PRDM16: variants seen among roughly 807,000 people sequenced by gnomAD.
The protein encoded by PRDM16 is histone-lysine N-methyltransferase PRDM16.
A neutral mutation model predicts 110.6 loss-of-function variants in PRDM16; 23 were observed. The observed-to-expected ratio is 0.21, with a 90% CI of 0.15 to 0.29. The LOEUF (loss-of-function observed/expected upper bound fraction) is 0.29, where lower values mean the gene tolerates loss of function less well. Among genes scored for constraint, PRDM16 ranks in the 10% least tolerant of loss-of-function variants. The pLI is 1.00. For missense variants in PRDM16, 1,615 were observed against 1,794.3 expected, an observed-to-expected ratio of 0.90 and a Z score of 1.81; for synonymous variants, 799 against 781.8, an observed-to-expected ratio of 1.02 and a Z score of -0.37.
chr1:3,153,370 G>A (rs1643809916), intron 1 of PRDM16, among the ~76,000 whole-genome samples: 1 of 152,240 alleles, frequency 6.6e-6, no homozygotes, highest in Non-Finnish European at 1.5e-5. Context: ...ACATGTGTCT[G>A]AACCAGTGTT....
intron 3 of PRDM16, among the ~76,000 whole-genome samples, chr1:3,266,533 C>T (rs1640297400): frequency 6.6e-6 from 1 of 152,214 alleles, no homozygotes; most frequent in African/African-American, 2.4e-5. Flanking sequence ...TGCTCCGCTC[C>T]TCCGACGAGG....
intron 1 of PRDM16, among the ~76,000 whole-genome samples, chr1:3,160,531 G>A (rs1278667452): frequency 6.6e-6 from 1 of 152,196 alleles, no homozygotes. Flanking sequence ...GCGACACAAG[G>A]GGATGGGACA....
At chr1:3,090,581 A>G (rs1374128919) in intron 1 of PRDM16, among the ~76,000 whole-genome samples, 5 of 152,200 alleles carry the variant, frequency 3.3e-5, no homozygotes, top group African/African-American at 1.2e-4. Flanking sequence ...GGTCCCTGCT[A>G]AGAGGCAGAT....
At chr1:3,392,451 A>G (rs1643314643) in intron 4 of PRDM16, among the ~76,000 whole-genome samples, 1 of 152,244 alleles carries the variant, frequency 6.6e-6, no homozygotes, top group Non-Finnish European at 1.5e-5. Flanking sequence ...GCCGCTGCTC[A>G]GATTCAACCC....
At chr1:3,131,208 T>C (rs914232861) in intron 1 of PRDM16, among the ~76,000 whole-genome samples, 1 of 152,188 alleles carries the variant, frequency 6.6e-6, no homozygotes, top group South Asian at 2.1e-4. Context: ...AAAGCAAGAC[T>C]CCCTCTCTCT....
intron 1 of PRDM16, among the ~76,000 whole-genome samples, chr1:3,138,066 C>T (rs1216213353): frequency 6.6e-6 from 1 of 152,226 alleles, no homozygotes; most frequent in Non-Finnish European, 1.5e-5. Flanking sequence ...TAAGTTCCCC[C>T]TGTGAAGGGC....
At chr1:3,108,043 C>T (rs1230264738) in intron 1 of PRDM16, among the ~76,000 whole-genome samples, 2 of 152,248 alleles carry the variant, frequency 1.3e-5, no homozygotes, top group South Asian at 2.1e-4. Flanking sequence ...CAAACTGATT[C>T]CTTTCTCCAG....
intron 1 of PRDM16, among the ~76,000 whole-genome samples, chr1:3,114,203 G>GCGCGCACACGCACA (rs144577517): frequency 3.4e-5 from 4 of 117,688 alleles, no homozygotes; most frequent in East Asian, 2.5e-4. Flanking sequence ...GCACACGCAC[G>GCGCGCACACGCACA]CACACACGCA....
chr1:3,297,921 C>T (rs779284037), intron 3 of PRDM16, among the ~76,000 whole-genome samples: 3 of 151,798 alleles, frequency 2.0e-5, no homozygotes, highest in Non-Finnish European at 4.4e-5. Flanking sequence ...ATGGCAAGCT[C>T]CACAGGGGCC....
intron 3 of PRDM16, among the ~76,000 whole-genome samples, chr1:3,263,516 G>A (rs891689728): frequency 1.3e-5 from 2 of 152,230 alleles, no homozygotes; most frequent in Admixed American, 1.3e-4. Context: ...AGAGATCCCA[G>A]AAGAGCCCAG....
chr1:3,280,451 C>T (rs1170762623), intron 3 of PRDM16, among the ~76,000 whole-genome samples: 1 of 152,204 alleles, frequency 6.6e-6, no homozygotes. Context: ...AGTCCCCCCA[C>T]CCTTACTGCC....
intron 3 of PRDM16, among the ~76,000 whole-genome samples, chr1:3,273,315 G>A (rs1318007681): frequency 6.6e-6 from 1 of 152,196 alleles, no homozygotes; most frequent in Non-Finnish European, 1.5e-5. Flanking sequence ...CATTCGAGGT[G>A]CCTTCTGGGC....
In PRDM16 at chr1:3,430,922, G is replaced by C; in HGVS notation, c.3335G>C (p.Ser1112Thr). The part of the protein sequence containing the change: ...DGSAQCPGLA[S>T]EKQEDVEEED... ...AGTGCCCAGTGTCCAGGCCTAGCCAGTGAGAAGCAGGAGGACGTGGAGGAG... is the reference window on the plus strand; with the variant it reads ...AGTGCCCAGTGTCCAGGCCTAGCCACTGAGAAGCAGGAGGACGTGGAGGAG... Residue 1112 changes from serine to threonine, a missense_variant, in exon 15 of 17, where the codon AGT (serine) becomes ACT (threonine). Physicochemically the swap from Ser to Thr is moderately conservative, Grantham distance 58. This residue lies in a region of PRDM16 where 327 missense variants were observed against 359.3 expected (regional missense o/e 0.91). Coordinates refer to ENST00000270722, the MANE Select transcript of PRDM16 (RefSeq NM_022114.4). 1.2e-6 allele frequency: 2 copies of C among 1,614,192 alleles called. No homozygotes were observed. Among genetic ancestry groups the C allele is most frequent in the Non-Finnish European group, 1.7e-6 (2 of 1,180,032 alleles).
intron 2 of PRDM16, among the ~76,000 whole-genome samples, chr1:3,232,974 A>G (rs1343847815): frequency 6.6e-6 from 1 of 152,238 alleles, no homozygotes; most frequent in Non-Finnish European, 1.5e-5. Flanking sequence ...CAATCAGCAG[A>G]GTCAGGTGGA....
intron 1 of PRDM16, among the ~76,000 whole-genome samples, chr1:3,116,049 C>T (rs572441924): frequency 1.8e-4 from 28 of 152,196 alleles, no homozygotes; most frequent in Non-Finnish European, 3.4e-4. Context: ...GTGCTAAACG[C>T]AGGCAGGTGT....
intron 1 of PRDM16, among the ~76,000 whole-genome samples, chr1:3,170,292 C>A (rs1357297003): frequency 1.3e-5 from 2 of 152,316 alleles, no homozygotes; most frequent in African/African-American, 2.4e-5. Flanking sequence ...ATCCCCCGCT[C>A]CAGGCCTGAA....
intron 3 of PRDM16, among the ~76,000 whole-genome samples, chr1:3,322,050 CGTGT>C (rs750860910): frequency 3.4e-5 from 5 of 146,550 alleles, no homozygotes; most frequent in African/African-American, 1.3e-4. Context: ...GTTTGGAGGT[CGTGT>C]GTGTGTGGGG....
At position 3,209,187 on chromosome 1, in the gene PRDM16, A is replaced by C. The variant is rs1638822119; in HGVS notation, c.387+22713A>C. On this transcript the variant is annotated intron_variant, in intron 2 of 16. Transcript: ENST00000270722. The surrounding 1 kb of genome is among the most constrained non-coding windows in gnomAD (Gnocchi z 4.6). ...CATTTTGGTTCCAGGGGTAAGAAAA[A>C]ATTAATCATTTATTTGGTAAAGGCC... Among the ~76,000 whole-genome samples, 1 of 152,204 alleles carries C rather than the reference A, an allele frequency of 6.6e-6. No homozygotes were observed.
chr1:3,128,729 G>A (rs1443226482), intron 1 of PRDM16, among the ~76,000 whole-genome samples: 1 of 151,914 alleles, frequency 6.6e-6, no homozygotes, highest in African/African-American at 2.4e-5. Flanking sequence ...ACCCGGGTCG[G>A]TGGCTGTTTT....
Sources: gnomAD v4.1 joint callset for allele counts (sites outside exome capture counted in the v4.1 genomes callset) on GRCh38, gnomAD v4.1.1 for gene constraint, gnomAD v4.1.1 regional missense constraint, Gnocchi (gnomAD v3.1) non-coding constraint, MANE v1.5 for transcripts, NCBI Gene and HGNC (gene_info 2026-07-23, HGNC 2026-07-21) for gene names.